Variants in ZNF469 observed in about 807,000 individuals in gnomAD.
ZNF469 encodes zinc finger protein 469.
In ZNF469, 1 loss-of-function variant was observed where a neutral mutation model predicts 1.0. That is an observed-to-expected ratio of 1.00 (90% confidence interval 0.35 to 4.73). The LOEUF (loss-of-function observed/expected upper bound fraction) is 4.73. ZNF469 is among the 30% of genes most tolerant of loss of function. ZNF469 has a pLI of 0.16. For synonymous variants in ZNF469, 2,703 were observed against 2,363.4 expected, an observed-to-expected ratio of 1.14 and a Z score of -4.17; for missense variants, 6,100 against 5,356.3, an observed-to-expected ratio of 1.14 and a Z score of -4.33.
At chr16:88,149,767 C>T in the ZNF469 span, among the ~76,000 whole-genome samples, 2 of 152,220 alleles carry the variant, frequency 1.3e-5, no homozygotes, top group South Asian at 4.1e-4. Context: ...ACGTGCTGGG[C>T]AGGCTCTCTT....
At chr16:88,195,501 T>A in the ZNF469 span, among the ~76,000 whole-genome samples, 25 of 152,184 alleles carry the variant, frequency 1.6e-4, no homozygotes, top group East Asian at 4.8e-3. Context: ...GGAGGGGAAG[T>A]GGGTTTTAGC....
the ZNF469 span, among the ~76,000 whole-genome samples, chr16:88,338,803 C>A: frequency 1.3e-5 from 2 of 152,132 alleles, no homozygotes; most frequent in Admixed American, 1.3e-4. Flanking sequence ...AGGCCACAGG[C>A]CAAGAGCGTC....
chr16:88,421,137 G>C (rs1905443632), intron 1 of ZNF469, among the ~76,000 whole-genome samples: 1 of 151,732 alleles, frequency 6.6e-6, no homozygotes, highest in Admixed American at 6.6e-5. Flanking sequence ...GTTGGGAGCA[G>C]CGGCCAGGGG....
chr16:88,341,844 G>A, the ZNF469 span, among the ~76,000 whole-genome samples: 16 of 152,270 alleles, frequency 1.1e-4, no homozygotes, highest in East Asian at 2.3e-3. Context: ...AAGGACTTGG[G>A]GACCAAGGTC....
chr16:88,425,844 C>A (rs1454187622), intron 2 of ZNF469, among the ~76,000 whole-genome samples: 1 of 152,160 alleles, frequency 6.6e-6, no homozygotes, highest in East Asian at 1.9e-4. Flanking sequence ...GGCACCCGGG[C>A]CCCCCAGCTG....
the ZNF469 span, among the ~76,000 whole-genome samples, chr16:88,275,824 AC>A: frequency 3.3e-5 from 5 of 151,202 alleles, no homozygotes; most frequent in East Asian, 2.0e-4. Flanking sequence ...AGGGGATAAG[AC>A]CCCCCCAGGA....
At chr16:88,243,085 G>A in the ZNF469 span, among the ~76,000 whole-genome samples, 8 of 152,100 alleles carry the variant, frequency 5.3e-5, no homozygotes, top group East Asian at 3.9e-4. Flanking sequence ...CCCACTTTCC[G>A]CTGCTTTATC....
At chr16:88,128,805 C>T in the ZNF469 span, among the ~76,000 whole-genome samples, 2 of 152,224 alleles carry the variant, frequency 1.3e-5, no homozygotes, top group Non-Finnish European at 2.9e-5. Flanking sequence ...GACAGAGCAT[C>T]CCAGGGGCTC....
the ZNF469 span, among the ~76,000 whole-genome samples, chr16:88,260,829 C>G: frequency 6.6e-6 from 1 of 152,098 alleles, no homozygotes; most frequent in Admixed American, 6.6e-5. This position sits in a 1 kb window ranked among gnomAD's most constrained non-coding sequence, Gnocchi z 4.1. Context: ...TTGTTCTGAA[C>G]CATGGTGGGG....
chr16:88,221,191 A>T, the ZNF469 span, among the ~76,000 whole-genome samples: 2 of 152,200 alleles, frequency 1.3e-5, no homozygotes, highest in Non-Finnish European at 2.9e-5. Flanking sequence ...CACCAGAGAG[A>T]TGAGGGCTTC....
chr16:88,238,267 C>T, the ZNF469 span, among the ~76,000 whole-genome samples: 1 of 152,214 alleles, frequency 6.6e-6, no homozygotes, highest in Non-Finnish European at 1.5e-5. Context: ...GCTGGAAGTT[C>T]CCCGTGGGAA....
At chr16:88,289,358 GGGTGATGAT>G in the ZNF469 span, among the ~76,000 whole-genome samples, 8 of 150,512 alleles carry the variant, frequency 5.3e-5, 1 homozygote, top group African/African-American at 1.2e-4. Context: ...GTGTTGATGA[GGGTGATGAT>G]GGTGATGATG....
At position 88,436,532 on chromosome 16, in the gene ZNF469, C is replaced by G; in HGVS notation, c.9062C>G (p.Pro3021Arg). 5.2e-6 allele frequency: 8 copies of G among 1,549,388 alleles called. No homozygotes were observed. Among genetic ancestry groups the G allele is most frequent in the Non-Finnish European group, 7.0e-6 (8 of 1,146,924 alleles). Reference sequence around the variant, plus strand: ...CTCGGAGATGTGAGCCCCGAGCCCCCCAGCCTGGAGAGAGAACGCTGTGAC... The same window carrying G: ...CTCGGAGATGTGAGCCCCGAGCCCCGCAGCCTGGAGAGAGAACGCTGTGAC... ...SSLGDVSPEP[P>R]SLERERCDGG... is the part of the protein sequence containing the mutation. Residue 3021 changes from proline (P) to arginine (R), a missense_variant, in exon 3 of 3, where the codon CCC becomes CGC. Coordinates refer to ENST00000565624, the MANE Select transcript of ZNF469 (RefSeq NM_001367624.2).
chr16:88,428,204 G>A lies in ZNF469; in HGVS notation c.734G>A (p.Gly245Asp), dbSNP rs1446350297. The part of the protein sequence containing the change: ...WPPAAENSFP[G>D]ANFGVPPAEP... ...CCCGCTGCTGAGAATAGCTTCCCAG[G>A]TGCTAATTTCGGGGTTCCCCCCGCC... Residue 245 changes from glycine to aspartate, a missense_variant, in exon 3 of 3, where the codon GGT (glycine) becomes GAT (aspartate). Coordinates refer to ENST00000565624, the MANE Select transcript of ZNF469 (RefSeq NM_001367624.2). 3 of 1,550,262 alleles carry A rather than the reference G, an allele frequency of 1.9e-6. No homozygotes were observed. Among genetic ancestry groups the A allele is most frequent in the Non-Finnish European group, 1.7e-6 (2 of 1,146,918 alleles).
chr16:88,141,359 C>G, the ZNF469 span, among the ~76,000 whole-genome samples: 665 of 140,922 alleles, frequency 4.7e-3, 8 homozygotes, highest in African/African-American at 0.017. Context: ...CCGGGAAAGA[C>G]GCCCTGGGAG....
chr16:88,167,841 C>A, the ZNF469 span, among the ~76,000 whole-genome samples: 1 of 152,226 alleles, frequency 6.6e-6, no homozygotes, highest in South Asian at 2.1e-4. Flanking sequence ...CAGGACGGAC[C>A]GCTCCTTACA....
chr16:88,129,059 G>A, the ZNF469 span, among the ~76,000 whole-genome samples: 5 of 152,256 alleles, frequency 3.3e-5, no homozygotes, highest in East Asian at 3.8e-4. Flanking sequence ...AGAAGAATAC[G>A]TAAAATGAGT....
chr16:88,119,377 G>T, the ZNF469 span, among the ~76,000 whole-genome samples: 382 of 152,342 alleles, frequency 2.5e-3, no homozygotes, highest in African/African-American at 8.8e-3. Context: ...TGTGGTGCAC[G>T]TGCGGGGCCC....
the ZNF469 span, among the ~76,000 whole-genome samples, chr16:88,139,570 C>G: frequency 6.7e-6 from 1 of 150,350 alleles, no homozygotes; most frequent in Non-Finnish European, 1.5e-5. Flanking sequence ...GGATCCAAAA[C>G]CTTTTTGTCC....
Sources: gnomAD v4.1 joint callset for allele counts (sites outside exome capture counted in the v4.1 genomes callset) on GRCh38, gnomAD v4.1.1 for gene constraint, Gnocchi (gnomAD v3.1) non-coding constraint, MANE v1.5 for transcripts, NCBI Gene and HGNC (gene_info 2026-07-23, HGNC 2026-07-21) for gene names.